Variants in CLDN14 observed in about 807,000 individuals in gnomAD.
The protein encoded by CLDN14 is claudin-14.
In CLDN14, 2 loss-of-function variants were observed where a neutral mutation model predicts 2.1. The ratio of observed to expected loss-of-function variants is 0.96; its 90% CI spans 0.39 to 3.01. The LOEUF (loss-of-function observed/expected upper bound fraction) is 3.01. Among genes scored for constraint, CLDN14 ranks in the 30% most tolerant of loss-of-function variants. The pLI is 0.09. For missense variants in CLDN14, 298 were observed against 328.0 expected (o/e 0.91, Z 0.71); for synonymous variants, 136 against 154.4 (o/e 0.88, Z 0.88).
At chr21:36,510,730 G>A (rs997961360) in intron 1 of CLDN14, among the ~76,000 whole-genome samples, 42 of 152,224 alleles carry the variant, frequency 2.8e-4, no homozygotes, top group African/African-American at 8.7e-4. Context: ...GAAACTCCAA[G>A]TTGCTGTGAA....
Position 36,471,569 on chromosome 21 carries a change from G to A in CLDN14, c.-82+7926C>T, listed in dbSNP as rs117892750. ...TGTCTTGATTTCATAGAGCATAAAA[G>A]CCCCAAATTTGGGGCAGAGTCCAGA... On this transcript the variant is annotated intron_variant, in intron 1 of 1. Coordinates refer to ENST00000399135, the MANE Select transcript of CLDN14 (RefSeq NM_001146079.2). Among the ~76,000 whole-genome samples the A allele has an allele frequency of 6.2e-3, 938 of 152,272 alleles. 90 individuals are homozygous for A. The East Asian group carries it at 0.16, about 26-fold the overall frequency.
At chr21:36,514,336 C>A (rs558542806) in intron 1 of CLDN14, among the ~76,000 whole-genome samples, 1 of 152,138 alleles carries the variant, frequency 6.6e-6, no homozygotes, top group Admixed American at 6.5e-5. Flanking sequence ...AGTGGCCAGC[C>A]TTACAGAGCC....
chr21:36,482,951 A>G (rs966157456), upstream of CLDN14, among the ~76,000 whole-genome samples: 4 of 152,206 alleles, frequency 2.6e-5, no homozygotes, highest in Non-Finnish European at 5.9e-5. Context: ...TCTATTTACT[A>G]ATTTAATCCT....
At position 36,516,205 on chromosome 21, in the gene CLDN14, T is replaced by C. The variant is rs957436395; in HGVS notation, c.-219-5705A>G. On this transcript the variant is annotated intron_variant, in intron 1 of 2. Transcript: ENST00000342108. ...AGGAAGTTTGTATCTCTTGTATGGA[T>C]CTATTAAAAATTCAGACTTGATTTT... Among the ~76,000 whole-genome samples, 13 of 152,290 alleles carry C rather than the reference T, an allele frequency of 8.5e-5. No individual in the cohort carries two copies. In the East Asian group the frequency reaches 1.3e-3, roughly 16 times the overall value.
At chr21:36,490,953 C>CAG (rs2086958062) in intron 2 of CLDN14, among the ~76,000 whole-genome samples, 4 of 31,464 alleles carry the variant, frequency 1.3e-4, no homozygotes, top group African/African-American at 2.7e-4. Context: ...TGCACAGACA[C>CAG]ACACACACAC....
At chr21:36,563,790 T>C (rs1479273868) in intron 1 of CLDN14, among the ~76,000 whole-genome samples, 2 of 152,098 alleles carry the variant, frequency 1.3e-5, no homozygotes, top group Non-Finnish European at 2.9e-5. Context: ...GTCCAGCAAT[T>C]TGTTGGGCAA....
intron 1 of CLDN14, among the ~76,000 whole-genome samples, chr21:36,520,497 G>C (rs2087261576): frequency 6.6e-6 from 1 of 152,122 alleles, no homozygotes; most frequent in South Asian, 2.1e-4. Context: ...TTTTATAAGG[G>C]GGAACCCCTT....
At chr21:36,476,946 G>T (rs1294779972) in intron 1 of CLDN14, among the ~76,000 whole-genome samples, 1 of 152,238 alleles carries the variant, frequency 6.6e-6, no homozygotes, top group Non-Finnish European at 1.5e-5. Context: ...TGCAGCTAAA[G>T]TAGTGCATGG....
intron 1 of CLDN14, among the ~76,000 whole-genome samples, chr21:36,549,495 C>A (rs2087549201): frequency 6.6e-6 from 1 of 152,214 alleles, no homozygotes; most frequent in Admixed American, 6.5e-5. Context: ...TCAGGGCACC[C>A]CACAGAGGCC....
chr21:36,521,762 T>G (rs1419266935), intron 1 of CLDN14, among the ~76,000 whole-genome samples: 1 of 152,118 alleles, frequency 6.6e-6, no homozygotes, highest in Non-Finnish European at 1.5e-5. Context: ...AACATTGGCC[T>G]GGGGTCCTTG....
chr21:36,475,802 C>T (rs1037417958), intron 1 of CLDN14, among the ~76,000 whole-genome samples: 6 of 151,682 alleles, frequency 4.0e-5, no homozygotes, highest in Non-Finnish European at 7.4e-5. Context: ...CAGGCTGGAG[C>T]ACAGTAGGAT....
Position 36,514,622 on chromosome 21 carries a change from AGTGTGT to A in CLDN14, c.-219-4128_-219-4123del, listed in dbSNP as rs34558148. 6.8e-3 allele frequency among the ~76,000 whole-genome samples: 230 copies of A among 33,720 alleles called. 1 individual carries two copies. The highest frequency in any genetic ancestry group is 0.054 in the East Asian group (81 of 1,490). The allele number at this position is 33,720 out of a possible 152,430, so 22.1% of individuals were successfully genotyped here. The stretch of plus-strand genomic sequence containing the variant: ...GAAATAAAGTCTTATCGTGAGAGAA[AGTGTGT>A]GTGTGTGTGTGTGTGTGTGTGTGTG... On this transcript the variant is annotated intron_variant, in intron 1 of 2. Coordinates refer to the CLDN14 transcript ENST00000342108.
intron 1 of CLDN14, among the ~76,000 whole-genome samples, chr21:36,524,653 G>C (rs1247699143): frequency 6.6e-6 from 1 of 152,198 alleles, no homozygotes; most frequent in Non-Finnish European, 1.5e-5. Context: ...ACAGCCTCCT[G>C]GACCTGGGCC....
chr21:36,535,172 C>G (rs2087414230), intron 1 of CLDN14, among the ~76,000 whole-genome samples: 1 of 152,186 alleles, frequency 6.6e-6, no homozygotes, highest in Non-Finnish European at 1.5e-5. Flanking sequence ...GGCGGATCAC[C>G]TGAGGTCAGG....
chr21:36,484,959 G>A (rs543325402), upstream of CLDN14, among the ~76,000 whole-genome samples: 26 of 152,062 alleles, frequency 1.7e-4, 2 homozygotes, highest in South Asian at 4.2e-4. Flanking sequence ...TGATCCGCCT[G>A]CCTCGGCCTC....
At chr21:36,559,783 C>T (rs192205824) in intron 1 of CLDN14, among the ~76,000 whole-genome samples, 54 of 152,344 alleles carry the variant, frequency 3.5e-4, no homozygotes, top group African/African-American at 1.3e-3. Context: ...ACCACACAAT[C>T]TTTAATCTGT....
At chr21:36,488,198 A>C (rs1462904989) in intron 2 of CLDN14, among the ~76,000 whole-genome samples, 1 of 139,256 alleles carries the variant, frequency 7.2e-6, no homozygotes, top group Non-Finnish European at 1.6e-5. Flanking sequence ...TGCCCATTGC[A>C]AAAAGACAAA....
chr21:36,464,807 G>A (rs2086625207), intron 1 of CLDN14, among the ~76,000 whole-genome samples: 1 of 152,222 alleles, frequency 6.6e-6, no homozygotes, highest in South Asian at 2.1e-4. Flanking sequence ...GGAAACGAGA[G>A]GAGCAGAGGA....
At chr21:36,486,444 G>C in intron 2 of CLDN14, 4 of 1,477,852 alleles carry the variant, frequency 2.7e-6, no homozygotes, top group Non-Finnish European at 3.8e-6. Flanking sequence ...AGAAACCCGA[G>C]GGCCAAGGCC....
Sources: gnomAD v4.1 joint callset for allele counts (sites outside exome capture counted in the v4.1 genomes callset) on GRCh38, gnomAD v4.1.1 for gene constraint, MANE v1.5 for transcripts, NCBI Gene and HGNC (gene_info 2026-07-23, HGNC 2026-07-21) for gene names.